CTTNBP2: variants seen among roughly 807,000 people sequenced by gnomAD.
The protein encoded by CTTNBP2 is cortactin-binding protein 2.
CTTNBP2 carries 108 observed loss-of-function variants against 156.9 expected under a neutral mutation model. The observed-to-expected ratio is 0.69, with a 90% confidence interval of 0.59 to 0.81. The LOEUF is 0.81. Among genes scored for constraint, CTTNBP2 ranks in the 30% least tolerant of loss-of-function variants. CTTNBP2 has a pLI of 0.00. For missense variants in CTTNBP2, 1,924 were observed against 2,035.4 expected, an observed-to-expected ratio of 0.95 and a Z score of 1.05; for synonymous variants, 767 against 751.8, an observed-to-expected ratio of 1.02 and a Z score of -0.33.
chr7:117,777,519 C>T lies in CTTNBP2; in HGVS notation c.2770G>A (p.Gly924Ser). 1 of 1,612,868 alleles carries T rather than the reference C, an allele frequency of 6.2e-7. No individual in the cohort carries two copies. Residue 924 changes from glycine (G) to serine (S), a missense_variant, in exon 8 of 23, where the codon GGT becomes AGT. By Grantham distance (56) the Gly-to-Ser change is moderately conservative. Coordinates refer to ENST00000160373, the MANE Select transcript of CTTNBP2 (RefSeq NM_033427.3). ...GCTGCTACCAGACACACCTTAAAAC[C>T]TTTGGAAGCAGCAATGTGGGCAGCA... Reference protein sequence around the residue: ...WTAAHIAASKGFKNCLEILCR... With the variant: ...WTAAHIAASKSFKNCLEILCR...
At chr7:117,750,764 T>A (rs1023214179) in intron 12 of CTTNBP2, among the ~76,000 whole-genome samples, 2 of 152,212 alleles carry the variant, frequency 1.3e-5, no homozygotes, top group Non-Finnish European at 2.9e-5. Context: ...ATCTTGGGTA[T>A]AATGAATATA....
chr7:117,804,125 G>C (rs1799787265), intron 3 of CTTNBP2, among the ~76,000 whole-genome samples: 1 of 152,008 alleles, frequency 6.6e-6, no homozygotes, highest in South Asian at 2.1e-4. Flanking sequence ...AACATACCTG[G>C]CTAATTTTTG....
intron 12 of CTTNBP2, among the ~76,000 whole-genome samples, chr7:117,752,905 G>A (rs1025802343): frequency 7.2e-5 from 11 of 152,128 alleles, no homozygotes; most frequent in African/African-American, 2.7e-4. Flanking sequence ...TAGAATAGAG[G>A]TTGGTGTATA....
At chr7:117,759,833 A>G (rs1797093368) in intron 10 of CTTNBP2, among the ~76,000 whole-genome samples, 1 of 152,252 alleles carries the variant, frequency 6.6e-6, no homozygotes, top group Non-Finnish European at 1.5e-5. Flanking sequence ...TGGACCAAGA[A>G]GAAAGGAACT....
intron 2 of CTTNBP2, among the ~76,000 whole-genome samples, chr7:117,849,561 T>G (rs148709239): frequency 6.6e-6 from 1 of 152,118 alleles, no homozygotes; most frequent in Non-Finnish European, 1.5e-5. Flanking sequence ...ACCTCCTGGA[T>G]AGAGCCCATA....
At chr7:117,849,395 C>T (rs990526724) in intron 2 of CTTNBP2, among the ~76,000 whole-genome samples, 4 of 152,128 alleles carry the variant, frequency 2.6e-5, no homozygotes, top group African/African-American at 4.8e-5. Context: ...TCTAAGAATT[C>T]GCATTTTTAA....
At chr7:117,799,285 C>A (rs1054838259) in intron 3 of CTTNBP2, among the ~76,000 whole-genome samples, 1 of 151,594 alleles carries the variant, frequency 6.6e-6, no homozygotes, top group South Asian at 2.1e-4. Context: ...ATGAAATCCA[C>A]CAATATATAA....
chr7:117,783,008 T>C (rs1798515477), intron 5 of CTTNBP2, 47 bp from the exon 6 acceptor site: 3 of 1,376,858 alleles, frequency 2.2e-6, no homozygotes, highest in African/African-American at 2.9e-5. Context: ...TTTGGAGTTA[T>C]GATGTGCCAA....
chr7:117,842,061 T>C (rs551685539), intron 2 of CTTNBP2, among the ~76,000 whole-genome samples: 1 of 152,186 alleles, frequency 6.6e-6, no homozygotes, highest in Non-Finnish European at 1.5e-5. Flanking sequence ...CCAGGCTTCA[T>C]GGTACCACAC....
At chr7:117,863,524 G>A (rs1311566205) in intron 1 of CTTNBP2, among the ~76,000 whole-genome samples, 3 of 152,208 alleles carry the variant, frequency 2.0e-5, no homozygotes, top group East Asian at 1.9e-4. Flanking sequence ...TCCACCCCTG[G>A]AAATTGTGAT....
intron 4 of CTTNBP2, 115 bp downstream of exon 4, chr7:117,791,012 GT>G (rs1798966087): frequency 2.5e-5 from 20 of 800,376 alleles, no homozygotes; most frequent in Non-Finnish European, 3.6e-5. Context: ...AGAAATGGGG[GT>G]GGGGGGAAGC....
At chr7:117,795,391 A>G (rs1799262631) in intron 3 of CTTNBP2, among the ~76,000 whole-genome samples, 1 of 152,248 alleles carries the variant, frequency 6.6e-6, no homozygotes, top group Non-Finnish European at 1.5e-5. Context: ...TTCTTACAGC[A>G]ATGTAAGAAA....
intron 2 of CTTNBP2, among the ~76,000 whole-genome samples, chr7:117,823,909 T>C (rs1288527502): frequency 6.6e-6 from 1 of 151,000 alleles, no homozygotes; most frequent in African/African-American, 2.4e-5. Flanking sequence ...CAGGCTCACC[T>C]AATTTCTTTA....
At chr7:117,852,011 C>T (rs1383680921) in intron 2 of CTTNBP2, among the ~76,000 whole-genome samples, 1 of 152,088 alleles carries the variant, frequency 6.6e-6, no homozygotes, top group African/African-American at 2.4e-5. Context: ...TCTGTTGATT[C>T]AGGCTTCATG....
chr7:117,731,554 A>G (rs1164936250), intron 16 of CTTNBP2, among the ~76,000 whole-genome samples: 1 of 152,238 alleles, frequency 6.6e-6, no homozygotes, highest in Non-Finnish European at 1.5e-5. Flanking sequence ...CAGAATAACC[A>G]GCTAACACTG....
chr7:117,864,118 T>C (rs1361248417), intron 1 of CTTNBP2, among the ~76,000 whole-genome samples: 1 of 152,202 alleles, frequency 6.6e-6, no homozygotes, highest in Non-Finnish European at 1.5e-5. Context: ...CTGCCCTGCT[T>C]CCATCAGTAG....
chr7:117,852,051 A>C (rs559611458), intron 2 of CTTNBP2, among the ~76,000 whole-genome samples: 2 of 152,282 alleles, frequency 1.3e-5, no homozygotes, highest in East Asian at 3.9e-4. Flanking sequence ...TAACAAGGCC[A>C]ATGACACATC....
At position 117,724,656 on chromosome 7, in the gene CTTNBP2, G is replaced by T; in HGVS notation, c.4338C>A (p.Asn1446Lys). The change falls in exon 19 of 23, where the codon AAC (asparagine) becomes AAA (lysine). Residue 1446 changes from asparagine to lysine, a missense_variant. Physicochemically the swap from Asn to Lys is moderately conservative, Grantham distance 94. Coordinates refer to ENST00000160373, the MANE Select transcript of CTTNBP2 (RefSeq NM_033427.3). ...AGGCACCACTCTCTCCTTTCTTCTT[G>T]TTACAAGTGTTATAACTGGAAACTA... is the stretch of plus-strand genomic sequence containing the variant. Reference protein sequence around the residue: ...LSIVSSYNTCNKKKGESGAWR... With the variant: ...LSIVSSYNTCKKKKGESGAWR... 6.2e-7 allele frequency: 1 copy of T among 1,614,078 alleles called. No homozygotes were observed. Among genetic ancestry groups the T allele is most frequent in the Non-Finnish European group, 8.5e-7 (1 of 1,180,008 alleles).
chr7:117,727,293 T>C (rs1241047279), intron 17 of CTTNBP2, among the ~76,000 whole-genome samples: 7 of 152,088 alleles, frequency 4.6e-5, no homozygotes, highest in Admixed American at 3.3e-4. Flanking sequence ...CTGGGCTCAA[T>C]TGATCCTCCT....
Sources: allele counts gnomAD v4.1 joint callset (sites outside exome capture counted in the v4.1 genomes callset), GRCh38; gene constraint gnomAD v4.1.1; transcripts MANE v1.5; gene names NCBI Gene and HGNC (gene_info 2026-07-23, HGNC 2026-07-21).